Variants in MDGA2 observed in about 807,000 individuals in gnomAD.
The protein encoded by MDGA2 is MAM domain containing glycosylphosphatidylinositol anchor 2, also known as MAM domain-containing glycosylphosphatidylinositol anchor protein 2.
A neutral mutation model predicts 117.8 loss-of-function variants in MDGA2; 40 were observed. That is an observed-to-expected ratio of 0.34 (90% CI 0.26 to 0.44). The LOEUF (loss-of-function observed/expected upper bound fraction) is 0.44, where lower values mean the gene tolerates loss of function less well. Ranked by LOEUF, MDGA2 falls within the 20% of genes least tolerant of loss-of-function variation. MDGA2 has a pLI of 1.00. For missense variants in MDGA2, 1,123 were observed against 1,250.6 expected, an observed-to-expected ratio of 0.90 and a Z score of 1.54; for synonymous variants, 452 against 439.0, an observed-to-expected ratio of 1.03 and a Z score of -0.37.
At chr14:47,173,702 A>G (rs1433771345) in intron 3 of MDGA2, among the ~76,000 whole-genome samples, 1 of 152,242 alleles carries the variant, frequency 6.6e-6, no homozygotes, top group Non-Finnish European at 1.5e-5. Context: ...ATCATGCCAA[A>G]ATGTAAAGAC....
chr14:47,357,307 G>A (rs1891017122), intron 1 of MDGA2, among the ~76,000 whole-genome samples: 1 of 152,202 alleles, frequency 6.6e-6, no homozygotes, highest in South Asian at 2.1e-4. Flanking sequence ...CCCTTGGGGG[G>A]TTTGCATGCC....
chr14:47,301,290 CCCACCCACA>C, intron 2 of MDGA2, 112 bp downstream of exon 2: 1 of 956,062 alleles, frequency 1.0e-6, no homozygotes, highest in South Asian at 1.7e-5. Flanking sequence ...CACACCCACA[CCCACCCACA>C]CACACACACA....
At chr14:47,349,406 G>T (rs1184061211) in intron 1 of MDGA2, among the ~76,000 whole-genome samples, 3 of 152,066 alleles carry the variant, frequency 2.0e-5, no homozygotes, top group Non-Finnish European at 2.9e-5. Flanking sequence ...TATTGCTATT[G>T]ACAAAGTCAA....
chr14:47,352,766 TGTG>T (rs1163687364), intron 1 of MDGA2, among the ~76,000 whole-genome samples: 1 of 152,228 alleles, frequency 6.6e-6, no homozygotes, highest in African/African-American at 2.4e-5. Context: ...ATCTTTTTTT[TGTG>T]GTGATTATTT....
chr14:47,333,114 G>A (rs1890339642), intron 1 of MDGA2, among the ~76,000 whole-genome samples: 1 of 149,884 alleles, frequency 6.7e-6, no homozygotes, highest in Non-Finnish European at 1.5e-5. Flanking sequence ...CATACCAAAT[G>A]CAGGTAACTT....
Position 47,144,290 on chromosome 14 carries a change from A to C in MDGA2, c.596-16T>G, listed in dbSNP as rs1882845323. 1.3e-6 allele frequency: 2 copies of C among 1,537,332 alleles called. No homozygotes were observed. The highest frequency in any genetic ancestry group is 2.7e-5 in the African/African-American group (2 of 72,734). ...TCATCCAAATCTAAAGGAAATAAAA[A>C]CAACCAAATGGCAATGTTATGAGAT... is the stretch of plus-strand genomic sequence containing the variant. On this transcript the variant is annotated splice_polypyrimidine_tract_variant and intron_variant, in intron 3 of 16. Transcript: ENST00000399232.
At chr14:47,341,406 CGAT>C (rs1890618257) in intron 1 of MDGA2, among the ~76,000 whole-genome samples, 1 of 152,036 alleles carries the variant, frequency 6.6e-6, no homozygotes, top group African/African-American at 2.4e-5. Context: ...ACACTGATGA[CGAT>C]AAAGTGTAAA....
chr14:47,537,009 A>G (rs931628592), intron 1 of MDGA2, among the ~76,000 whole-genome samples: 1 of 152,178 alleles, frequency 6.6e-6, no homozygotes, highest in Non-Finnish European at 1.5e-5. Flanking sequence ...TCATGCATGT[A>G]ATTAAAGCTT....
chr14:47,065,815 C>T (rs1030969876), intron 6 of MDGA2, among the ~76,000 whole-genome samples: 2 of 152,004 alleles, frequency 1.3e-5, no homozygotes, highest in Admixed American at 1.3e-4. Flanking sequence ...ACAGAGTGAC[C>T]ACTGATCACC....
chr14:46,871,764 T>G lies in MDGA2; in HGVS notation c.2752+1669A>C, dbSNP rs568057007. On this transcript the variant is annotated intron_variant, in intron 14 of 16. Coordinates refer to ENST00000399232, the MANE Select transcript of MDGA2 (RefSeq NM_001113498.3). ...GAAACCAAGGTTCAGACATTTTAAG[T>G]GATTTCTCTGAAGTATTACAGTGAT... The G allele has an allele frequency of 9.6e-5, 16 of 166,336 alleles. No individual in the cohort carries two copies. The South Asian group carries it at 2.4e-3, about 25-fold the overall frequency. The allele number at this position is 166,336 out of a possible 1,614,324, so 10.3% of individuals were successfully genotyped here. A position where few individuals can be genotyped will look rare whatever the true frequency, so the allele number is the denominator to read the frequency against.
chr14:47,113,344 G>A (rs886285656), intron 5 of MDGA2, among the ~76,000 whole-genome samples: 3 of 151,602 alleles, frequency 2.0e-5, no homozygotes, highest in Non-Finnish European at 3.0e-5. Flanking sequence ...AAAGGCCCAC[G>A]ACCGGATGGA....
chr14:47,672,056 A>G (rs1488990372), intron 1 of MDGA2, among the ~76,000 whole-genome samples: 4 of 152,220 alleles, frequency 2.6e-5, no homozygotes, highest in Non-Finnish European at 5.9e-5. Context: ...AGAAAGTCTC[A>G]GAGGGGCCCA....
Position 46,933,799 on chromosome 14 carries a change from AATATATATATATAT to A in MDGA2, c.2090-13653_2090-13640del, listed in dbSNP as rs34723414. On this transcript the variant is annotated intron_variant, in intron 9 of 16. Transcript: ENST00000399232. ...CAAAGTTCTACTGGTTTATGTAACA[AATATATATATATAT>A]ATATATATATATATATATATATATA... Among the ~76,000 whole-genome samples the A allele has an allele frequency of 5.7e-3, 496 of 87,278 alleles. 7 individuals carry two copies. Among genetic ancestry groups the A allele is most frequent in the African/African-American group, 0.014 (263 of 19,106 alleles). The allele number at this position is 87,278 out of a possible 152,430, so 57.3% of individuals were successfully genotyped here.
At chr14:47,125,119 A>G (rs1044101588) in intron 5 of MDGA2, among the ~76,000 whole-genome samples, 6 of 152,164 alleles carry the variant, frequency 3.9e-5, no homozygotes, top group Non-Finnish European at 8.8e-5. Flanking sequence ...AAGATCATCT[A>G]AACACAAGAG....
chr14:46,961,206 G>C (rs1193535270), intron 8 of MDGA2, among the ~76,000 whole-genome samples: 1 of 151,808 alleles, frequency 6.6e-6, no homozygotes, highest in African/African-American at 2.4e-5. Flanking sequence ...TTTACTTATG[G>C]GTTTGAAATT....
intron 1 of MDGA2, among the ~76,000 whole-genome samples, chr14:47,443,732 G>A (rs1326878336): frequency 1.3e-5 from 2 of 152,068 alleles, no homozygotes; most frequent in South Asian, 4.1e-4. Context: ...TCAGTAAGCT[G>A]CCCCTTGCAA....
At chr14:47,201,575 T>C (rs1398650907) in intron 3 of MDGA2, among the ~76,000 whole-genome samples, 1 of 152,204 alleles carries the variant, frequency 6.6e-6, no homozygotes, top group Non-Finnish European at 1.5e-5. Flanking sequence ...CTCAAATATG[T>C]AGAATTCTCT....
At chr14:47,219,414 T>G (rs1224733063) in intron 2 of MDGA2, among the ~76,000 whole-genome samples, 2 of 152,040 alleles carry the variant, frequency 1.3e-5, no homozygotes, top group Non-Finnish European at 2.9e-5. Flanking sequence ...TATCAATATT[T>G]ATTCCAAATC....
At chr14:47,570,317 C>G (rs1241869474) in intron 1 of MDGA2, among the ~76,000 whole-genome samples, 1 of 151,912 alleles carries the variant, frequency 6.6e-6, no homozygotes, top group African/African-American at 2.4e-5. Context: ...ATGGCAAAAC[C>G]AACCTAACGT....
Sources: allele counts gnomAD v4.1 joint callset (sites outside exome capture counted in the v4.1 genomes callset), GRCh38; gene constraint gnomAD v4.1.1; transcripts MANE v1.5; gene names NCBI Gene and HGNC (gene_info 2026-07-23, HGNC 2026-07-21).